The following OR51B5 variants were observed in gnomAD, a reference collection of about 807,000 sequenced individuals.
OR51B5 encodes olfactory receptor family 51 subfamily B member 5.
For missense variants in OR51B5, 456 were observed against 374.6 expected, an observed-to-expected ratio of 1.22 and a Z score of -1.79; for synonymous variants, 186 against 144.8, an observed-to-expected ratio of 1.28 and a Z score of -2.04.
intron 1 of OR51B5, among the ~76,000 whole-genome samples, chr11:5,401,385 C>T (rs1350296780): frequency 6.6e-6 from 1 of 152,212 alleles, no homozygotes; most frequent in Non-Finnish European, 1.5e-5. Flanking sequence ...CTTCTCCTTC[C>T]TGAATCTTCC....
intron 1 of OR51B5, among the ~76,000 whole-genome samples, chr11:5,490,710 A>G (rs933734982): frequency 5.3e-5 from 8 of 152,202 alleles, no homozygotes; most frequent in Admixed American, 5.2e-4. Flanking sequence ...ACAATATCTC[A>G]TACACTGTCC....
At chr11:5,390,320 A>C in intron 1 of OR51B5, 2 of 1,613,420 alleles carry the variant, frequency 1.2e-6, no homozygotes, top group Non-Finnish European at 1.7e-6. Context: ...CAGCATTAAG[A>C]CCAAGGAGAT....
intron 1 of OR51B5, among the ~76,000 whole-genome samples, chr11:5,404,299 G>C (rs184811412): frequency 1.3e-5 from 2 of 152,016 alleles, no homozygotes; most frequent in African/African-American, 4.8e-5. Context: ...CTAGCTAATC[G>C]GGTGGGGACT....
At chr11:5,438,871 C>A (rs1314045755) in intron 1 of OR51B5, among the ~76,000 whole-genome samples, 1 of 152,172 alleles carries the variant, frequency 6.6e-6, no homozygotes, top group East Asian at 1.9e-4. Flanking sequence ...TAGACGCAAT[C>A]TGCAGGTAAA....
intron 1 of OR51B5, among the ~76,000 whole-genome samples, chr11:5,498,950 G>A (rs1339511133): frequency 6.6e-6 from 1 of 152,214 alleles, no homozygotes; most frequent in African/African-American, 2.4e-5. Context: ...TGAAGGGCAT[G>A]TACTCTCCTG....
At chr11:5,487,799 C>G (rs1851518905) in intron 1 of OR51B5, among the ~76,000 whole-genome samples, 1 of 152,134 alleles carries the variant, frequency 6.6e-6, no homozygotes, top group Non-Finnish European at 1.5e-5. Context: ...GGACTATACG[C>G]TGGCTTTGTC....
chr11:5,378,063 C>T (rs1428298745), intron 1 of OR51B5, among the ~76,000 whole-genome samples: 1 of 152,068 alleles, frequency 6.6e-6, no homozygotes, highest in Non-Finnish European at 1.5e-5. Context: ...TCAAACTATA[C>T]TACAAGGCTA....
At chr11:5,358,553 C>G (rs149753861) in intron 1 of OR51B5, among the ~76,000 whole-genome samples, 40,267 of 152,074 alleles carry the variant, frequency 0.26, 5,586 homozygotes, top group African/African-American at 0.31. Flanking sequence ...CAGCCAAATT[C>G]TACCAGAGGT....
rs557498723 is a variant in OR51B5 at position 5,407,384 on chromosome 11, A to G, written n.85-60474T>C. Among the ~76,000 whole-genome samples the G allele has an allele frequency of 2.6e-5, 4 of 152,278 alleles. No individual in the cohort carries two copies. The South Asian group carries it at 8.3e-4, about 32-fold the overall frequency. On this transcript the variant is annotated intron_variant and non_coding_transcript_variant, in intron 1 of 4. Coordinates refer to the OR51B5 transcript ENST00000415970. The stretch of plus-strand genomic sequence containing the variant: ...CCTCTTCCTGAGTTTCAGCTGCCTT[A>G]AATACATGAAACTTTCTGACTTCGC...
chr11:5,487,066 T>C (rs183345117), intron 1 of OR51B5, among the ~76,000 whole-genome samples: 20 of 152,326 alleles, frequency 1.3e-4, no homozygotes, highest in Admixed American at 9.2e-4. Context: ...ATTGGACTTA[T>C]TAATGGACAG....
intron 1 of OR51B5, chr11:5,454,964 A>G (rs1714962552): frequency 6.6e-6 from 1 of 152,598 alleles, no homozygotes; most frequent in East Asian, 1.9e-4. Flanking sequence ...ATCATTTAAC[A>G]TTACCATTGC....
chr11:5,455,560 G>GA (rs1256143120), intron 1 of OR51B5: 2 of 28,204 alleles, frequency 7.1e-5, no homozygotes, highest in Non-Finnish European at 1.7e-4. Flanking sequence ...GGAGAAAGAA[G>GA]GGGGGAGAGA....
chr11:5,425,952 A>G (rs1850443611), intron 1 of OR51B5, among the ~76,000 whole-genome samples: 1 of 152,230 alleles, frequency 6.6e-6, no homozygotes, highest in African/African-American at 2.4e-5. Context: ...AGAAAATTTG[A>G]AGTTGCCAAG....
intron 1 of OR51B5, among the ~76,000 whole-genome samples, chr11:5,493,138 T>C (rs1366539180): frequency 6.6e-6 from 1 of 152,186 alleles, no homozygotes; most frequent in Non-Finnish European, 1.5e-5. Context: ...TTCCACTAAA[T>C]TGCTGTACAC....
At position 5,453,719 on chromosome 11, in the gene OR51B5, A is replaced by G. The variant is rs80243568; in HGVS notation, n.84+51850T>C. The G allele has an allele frequency of 3.3e-3, 5,258 of 1,614,114 alleles. 135 individuals are homozygous for G. In the African/African-American group the frequency reaches 0.059, roughly 18 times the overall value. ...GTGATGTGGCCATATCCATGGCCAC[A>G]CTGCCCACTGTACTCCGAACCTTCT... On this transcript the variant is annotated intron_variant and non_coding_transcript_variant, in intron 1 of 4. Transcript: ENST00000415970.
chr11:5,449,137 C>G lies in OR51B5; in HGVS notation n.84+56432G>C, dbSNP rs199841557. 7.9e-5 allele frequency among the ~76,000 whole-genome samples: 12 copies of G among 152,322 alleles called. No individual in the cohort carries two copies. In the East Asian group the frequency reaches 2.3e-3, roughly 29 times the overall value. On this transcript the variant is annotated intron_variant and non_coding_transcript_variant, in intron 1 of 4. Transcript: ENST00000415970. The stretch of plus-strand genomic sequence containing the variant: ...TGAGTGGAGCAGAGAATTGGTCTGA[C>G]AGATTGCTAAGTTCTTTTTCAGCTA...
chr11:5,344,221 A>G (rs1431034993), upstream of OR51B5, among the ~76,000 whole-genome samples: 1 of 152,242 alleles, frequency 6.6e-6, no homozygotes, highest in African/African-American at 2.4e-5. Flanking sequence ...CAGTCTAATT[A>G]TAAGTTAGAC....
intron 1 of OR51B5, among the ~76,000 whole-genome samples, chr11:5,370,916 G>T (rs1490484802): frequency 6.6e-6 from 1 of 152,156 alleles, no homozygotes; most frequent in Non-Finnish European, 1.5e-5. Context: ...AAGAAGTATT[G>T]CCATAGTGGT....
chr11:5,340,790 C>T (rs1035455838), downstream of OR51B5: 3 of 152,064 alleles, frequency 2.0e-5, no homozygotes, highest in Non-Finnish European at 2.9e-5. Flanking sequence ...GAATATTTAA[C>T]TTTTTTATAT....
Sources: gnomAD v4.1 joint callset for allele counts (sites outside exome capture counted in the v4.1 genomes callset) on GRCh38, gnomAD v4.1.1 for gene constraint, MANE v1.5 for transcripts, NCBI Gene and HGNC (gene_info 2026-07-23, HGNC 2026-07-21) for gene names.